Variants in CTSV observed in about 807,000 individuals in gnomAD.
The protein encoded by CTSV is cathepsin V.
Under a neutral mutation model 35.6 loss-of-function variants are expected in CTSV, and 33 were observed. The ratio of observed to expected loss-of-function variants is 0.93; its 90% CI spans 0.70 to 1.24. CTSV has a LOEUF of 1.24. CTSV is among the 50% of genes most tolerant of loss of function. The pLI is 0.00. For missense variants in CTSV, 408 were observed against 413.1 expected (o/e 0.99, Z 0.11); for synonymous variants, 154 against 147.1 (o/e 1.05, Z -0.34).
At position 97,029,770 on chromosome 9, in the gene CTSV, A is replaced by G. The variant is rs929042841; in HGVS notation, c.*3179T>C. The G allele has an allele frequency of 6.6e-6, 1 of 152,230 alleles. No individual in the cohort carries two copies. Among genetic ancestry groups the G allele is most frequent in the African/African-American group, 2.4e-5 (1 of 41,466 alleles). The allele number at this position is 152,230 out of a possible 1,614,324, so 9.4% of individuals were successfully genotyped here. The stretch of plus-strand genomic sequence containing the variant: ...TTACAATTGAGATATCCATACACAC[A>G]AGTCATGTGCTGTGTGATGTTTTGG... On this transcript the variant is annotated 3_prime_UTR_variant, in exon 8 of 8. Transcript: ENST00000259470.
In CTSV at chr9:97,029,713, TAA is replaced by T. The variant is rs1042504707; in HGVS notation, c.*3234_*3235del. On this transcript the variant is annotated 3_prime_UTR_variant, in exon 8 of 8. Coordinates refer to ENST00000259470, the MANE Select transcript of CTSV (RefSeq NM_001333.4). ...TAATAGTTTTACTTATTAACTTACT[TAA>T]AAAGAGATAATGAACATTTGTGAAA... 3.3e-5 allele frequency: 5 copies of T among 152,256 alleles called. No homozygotes were observed. The highest frequency in any genetic ancestry group is 5.9e-5 in the Non-Finnish European group (4 of 68,048). The allele number at this position is 152,256 out of a possible 1,614,324, so 9.4% of individuals were successfully genotyped here. A position where few individuals can be genotyped will look rare whatever the true frequency, so the allele number is the denominator to read the frequency against.
In CTSV at chr9:97,030,312, C is replaced by T. The variant is rs1220057365; in HGVS notation, c.*2637G>A. On this transcript the variant is annotated 3_prime_UTR_variant, in exon 8 of 8. Coordinates refer to ENST00000259470, the MANE Select transcript of CTSV (RefSeq NM_001333.4). The stretch of plus-strand genomic sequence containing the variant: ...GTATGATGCCCAAGTGTCATAACTA[C>T]ACTCCCACATCAGCAAACTCCTCCC... 1.3e-5 allele frequency: 2 copies of T among 152,196 alleles called. No individual in the cohort carries two copies. Among genetic ancestry groups the T allele is most frequent in the African/African-American group, 2.4e-5 (1 of 41,444 alleles). 9.4% of individuals were successfully genotyped at this position (152,196 alleles called of 1,614,324 possible). A position where few individuals can be genotyped will look rare whatever the true frequency, so the allele number is the denominator to read the frequency against.
At chr9:97,036,495 G>A (rs200032748) in intron 5 of CTSV, 28 bp downstream of exon 5, 17 of 1,530,124 alleles carry the variant, frequency 1.1e-5, no homozygotes, top group African/African-American at 6.8e-5. Context: ...AGCAGAGCAC[G>A]AATGACAAGA....
chr9:97,038,189 A>G, intron 1 of CTSV, 136 bp from the exon 2 acceptor site: 2 of 962,218 alleles, frequency 2.1e-6, no homozygotes, highest in Non-Finnish European at 3.0e-6. Context: ...GAAACAGGCC[A>G]AGTGGAGGTA....
At position 97,032,695 on chromosome 9, in the gene CTSV, A is replaced by C. The variant is rs1295878440; in HGVS notation, c.*254T>G. 8.2e-6 allele frequency: 3 copies of C among 364,704 alleles called. No homozygotes were observed. The highest frequency in any genetic ancestry group is 4.4e-5 in the Admixed American group (1 of 22,864). 22.6% of individuals were successfully genotyped at this position (364,704 alleles called of 1,614,324 possible). On this transcript the variant is annotated 3_prime_UTR_variant, in exon 8 of 8. Coordinates refer to ENST00000259470, the MANE Select transcript of CTSV (RefSeq NM_001333.4). ...AAATTTATTTCAAACTGTTTTGTACATCTTTTTAAAAAATGAAAATTCAAA... is the reference window on the plus strand; with the variant it reads ...AAATTTATTTCAAACTGTTTTGTACCTCTTTTTAAAAAATGAAAATTCAAA...
At chr9:97,038,338 G>T (rs781537972) in intron 1 of CTSV, 4 of 273,174 alleles carry the variant, frequency 1.5e-5, no homozygotes, top group Non-Finnish European at 2.9e-5. Context: ...AGAAAACTAG[G>T]AAAGAGTTGG....
At chr9:97,036,401 G>A (rs1285957293) in intron 5 of CTSV, 122 bp downstream of exon 5, 3 of 779,694 alleles carry the variant, frequency 3.8e-6, no homozygotes, top group South Asian at 1.5e-5. Context: ...CAATACTCAC[G>A]GTTTGCAGAT....
chr9:97,033,453 T>TAAAAAAA, intron 7 of CTSV, among the ~76,000 whole-genome samples: 1 of 118,152 alleles, frequency 8.5e-6, no homozygotes. Context: ...TCTACTAAAT[T>TAAAAAAA]AAAAAAAAAA....
At position 97,030,524 on chromosome 9, in the gene CTSV, G is replaced by A. The variant is rs1461844444; in HGVS notation, c.*2425C>T. On this transcript the variant is annotated 3_prime_UTR_variant, in exon 8 of 8. Coordinates refer to ENST00000259470, the MANE Select transcript of CTSV (RefSeq NM_001333.4). The stretch of plus-strand genomic sequence containing the variant: ...CACCCAGAAATATAGCATGCAGAGT[G>A]GGAAATCAGGGGACTCACAGCTTTC... The A allele has an allele frequency of 1.3e-5, 2 of 152,162 alleles. No individual in the cohort carries two copies. The highest frequency in any genetic ancestry group is 4.8e-5 in the African/African-American group (2 of 41,422). The allele number at this position is 152,162 out of a possible 1,614,324, so 9.4% of individuals were successfully genotyped here.
At chr9:97,036,318 G>C (rs1305319960) in intron 5 of CTSV, 1 of 595,616 alleles carries the variant, frequency 1.7e-6, no homozygotes, top group Admixed American at 2.7e-5. Flanking sequence ...TGATCCGCCT[G>C]TCTCGGCCTC....
At position 97,032,603 on chromosome 9, in the gene CTSV, A is replaced by ATTTC. The variant is rs1478962817; in HGVS notation, c.*345_*346insGAAA. ...ACATGAAGTTATTATTTCAGAGCTT[A>ATTTC]ATTATATTTCCTGACTACACAAAAA... On this transcript the variant is annotated 3_prime_UTR_variant, in exon 8 of 8. Transcript: ENST00000259470. The ATTTC allele has an allele frequency of 8.7e-5, 16 of 183,478 alleles. No homozygotes were observed. The highest frequency in any genetic ancestry group is 3.0e-4 in the African/African-American group (13 of 42,780). The allele number at this position is 183,478 out of a possible 1,614,324, so 11.4% of individuals were successfully genotyped here.
Position 97,037,286 on chromosome 9 carries a change from C to G in CTSV, c.362G>C (p.Arg121Thr). The G allele has an allele frequency of 6.2e-7, 1 of 1,614,204 alleles. No individual in the cohort carries two copies. Among genetic ancestry groups the G allele is most frequent in the Non-Finnish European group, 8.5e-7 (1 of 1,180,030 alleles). ...FLDLPKSVDW[R>T]KKGYVTPVKN... ...CACTGGCGTCACGTAGCCTTTCTTT[C>G]TCCAATCCACAGATTTGGGAAGATC... The change falls in exon 4 of 8, where the codon AGA (arginine) becomes ACA (threonine). Residue 121 changes from arginine to threonine, a missense_variant. Physicochemically the swap from Arg to Thr is moderately conservative, Grantham distance 71 (BLOSUM62 -1). Coordinates refer to ENST00000259470, the MANE Select transcript of CTSV (RefSeq NM_001333.4).
At chr9:97,037,884 A>C (rs750193406) in intron 2 of CTSV, 34 bp downstream of exon 2, 7 of 1,608,492 alleles carry the variant, frequency 4.4e-6, no homozygotes, top group Non-Finnish European at 5.1e-6. Flanking sequence ...CATTCTCTCC[A>C]GAGTCCCTCT....
chr9:97,032,955 A>G lies in CTSV; in HGVS notation c.999T>C (p.Asn333=), dbSNP rs373324162. Residue 333 remains asparagine (N), a synonymous_variant, in exon 8 of 8, where the codon AAT becomes AAC. Coordinates refer to ENST00000259470, the MANE Select transcript of CTSV (RefSeq NM_001333.4). ...CTCCTCACCATCCATCAGCTCACAC[A>G]TTGGGGTAGCTGGCTGCTGTGGCGA... ...CGIATAASYP[N]V 22 of 1,610,736 alleles carry G rather than the reference A, an allele frequency of 1.4e-5. No homozygotes were observed. Among genetic ancestry groups the G allele is most frequent in the Admixed American group, 3.4e-5 (2 of 59,480 alleles).
At chr9:97,033,217 C>T (rs1371619967) in intron 7 of CTSV, among the ~76,000 whole-genome samples, 169 bp from the exon 8 acceptor site, 1 of 152,180 alleles carries the variant, frequency 6.6e-6, no homozygotes, top group Non-Finnish European at 1.5e-5. Flanking sequence ...TGGCTCACGC[C>T]TGCAATCCCA....
At chr9:97,038,434 T>C (rs1587735821) in intron 1 of CTSV, 1 of 167,946 alleles carries the variant, frequency 6.0e-6, no homozygotes, top group Admixed American at 5.8e-5. Context: ...TGCAAGCGGA[T>C]CCCCAAGGAA....
At chr9:97,039,562 G>A (rs1436681084), upstream of CTSV, 1 of 152,232 alleles carries the variant, frequency 6.6e-6, no homozygotes, top group East Asian at 1.9e-4. Flanking sequence ...CACGGCAAAG[G>A]TGGGACGGAG....
chr9:97,037,695 T>C (rs2119236419), intron 2 of CTSV, 80 bp from the exon 3 acceptor site: 2 of 1,572,242 alleles, frequency 1.3e-6, no homozygotes, highest in Middle Eastern at 1.7e-4. Context: ...CGGGCAGAAA[T>C]GGAAGAGAAA....
Position 97,038,019 on chromosome 9 carries a change from C to T in CTSV, c.25G>A (p.Ala9Thr). The T allele has an allele frequency of 6.2e-7, 1 of 1,613,926 alleles. No individual in the cohort carries two copies. The highest frequency in any genetic ancestry group is 8.5e-7 in the Non-Finnish European group (1 of 1,179,902). The change falls in exon 2 of 8, where the codon GCC becomes ACC. Residue 9 changes from alanine to threonine, a missense_variant. Coordinates refer to ENST00000259470, the MANE Select transcript of CTSV (RefSeq NM_001333.4). ...GCGGAGGCTATTCCCAAGCAAAAGG[C>T]AGCCAGGACGAGCGAAAGATTCATG... Reference protein sequence around the residue: MNLSLVLAAFCLGIASAVP... With the variant: MNLSLVLATFCLGIASAVP...
Sources: allele counts gnomAD v4.1 joint callset (sites outside exome capture counted in the v4.1 genomes callset), GRCh38; gene constraint gnomAD v4.1.1; transcripts MANE v1.5; gene names NCBI Gene and HGNC (gene_info 2026-07-23, HGNC 2026-07-21).